PRKCE: variants seen among roughly 807,000 people sequenced by gnomAD.
PRKCE encodes protein kinase C epsilon type.
In PRKCE, 16 loss-of-function variants were observed where a neutral mutation model predicts 85.4. The observed-to-expected ratio is 0.19, with a 90% CI of 0.13 to 0.28. The LOEUF is 0.28. Among genes scored for constraint, PRKCE ranks in the 10% least tolerant of loss-of-function variants. PRKCE has a pLI of 1.00. For missense variants in PRKCE, 573 were observed against 975.2 expected (o/e 0.59, Z 5.49); for synonymous variants, 388 against 371.5 (o/e 1.04, Z -0.51).
chr2:45,938,180 G>A (rs560334331), intron 2 of PRKCE, among the ~76,000 whole-genome samples: 1 of 152,260 alleles, frequency 6.6e-6, no homozygotes, highest in East Asian at 1.9e-4. Flanking sequence ...TAGCCTCAGG[G>A]CAGGGCTGAT....
chr2:46,062,239 A>C (rs1296844551), intron 10 of PRKCE, among the ~76,000 whole-genome samples: 6 of 152,184 alleles, frequency 3.9e-5, no homozygotes. Flanking sequence ...ATGGGAATGA[A>C]TACGATAGAC....
chr2:45,689,348 T>C (rs1677543890), intron 1 of PRKCE, among the ~76,000 whole-genome samples: 1 of 152,088 alleles, frequency 6.6e-6, no homozygotes, highest in South Asian at 2.1e-4. Context: ...TGTGGAAGAA[T>C]AGAAAGAACT....
intron 2 of PRKCE, among the ~76,000 whole-genome samples, chr2:45,970,883 G>A (rs542936432): frequency 4.7e-5 from 7 of 149,090 alleles, no homozygotes; most frequent in Admixed American, 2.7e-4. Context: ...CTATATTATG[G>A]ATCAATATAT....
intron 2 of PRKCE, among the ~76,000 whole-genome samples, chr2:45,951,142 T>C (rs1030680033): frequency 7.9e-5 from 12 of 152,232 alleles, no homozygotes; most frequent in Admixed American, 6.5e-4. Context: ...GCAAAAGATT[T>C]CCTGGGGAGT....
intron 1 of PRKCE, among the ~76,000 whole-genome samples, chr2:45,711,125 C>T (rs1453831883): frequency 2.0e-5 from 3 of 151,996 alleles, no homozygotes; most frequent in Middle Eastern, 6.8e-3. Flanking sequence ...CAAAGATTAA[C>T]GTGCAACTCA....
chr2:45,733,809 C>A (rs1324939382), intron 1 of PRKCE, among the ~76,000 whole-genome samples: 1 of 152,200 alleles, frequency 6.6e-6, no homozygotes, highest in Non-Finnish European at 1.5e-5. Flanking sequence ...CTGCTGGTGA[C>A]CTCGGTGGGC....
chr2:46,135,181 A>G (rs1282184335), intron 11 of PRKCE, among the ~76,000 whole-genome samples: 2 of 152,176 alleles, frequency 1.3e-5, no homozygotes, highest in Non-Finnish European at 2.9e-5. Flanking sequence ...GAGGACATCT[A>G]TTTGATCAAA....
At chr2:45,691,382 A>G (rs751829729) in intron 1 of PRKCE, among the ~76,000 whole-genome samples, 41 of 152,204 alleles carry the variant, frequency 2.7e-4, no homozygotes, top group Non-Finnish European at 4.9e-4. Flanking sequence ...AAGCTGGTGG[A>G]CACCAGCAGA....
chr2:46,054,578 C>A (rs1026377824), intron 10 of PRKCE, among the ~76,000 whole-genome samples: 1 of 152,178 alleles, frequency 6.6e-6, no homozygotes, highest in Non-Finnish European at 1.5e-5. Flanking sequence ...ATAACTGCAA[C>A]CCCAACCATA....
At position 46,009,025 on chromosome 2, in the gene PRKCE, T is replaced by G. The variant is rs1574211176; in HGVS notation, c.1264-1319T>G. On this transcript the variant is annotated intron_variant, in intron 9 of 14. Coordinates refer to ENST00000306156, the MANE Select transcript of PRKCE (RefSeq NM_005400.3). ...TGCTTTTTAGCTTTGATGACTTACA[T>G]TGGAATACTGTACTTAGGAGTTACT... Among the ~76,000 whole-genome samples the G allele has an allele frequency of 2.0e-5, 3 of 152,220 alleles. No individual in the cohort carries two copies. The East Asian group carries it at 5.8e-4, about 29-fold the overall frequency.
intron 2 of PRKCE, among the ~76,000 whole-genome samples, chr2:45,939,744 G>A (rs528197631): frequency 1.8e-4 from 27 of 152,276 alleles, no homozygotes; most frequent in African/African-American, 6.0e-4. Flanking sequence ...TAGTAGAGAC[G>A]AGGTTTTATC....
chr2:46,133,010 A>T lies in PRKCE; in HGVS notation c.1593-12083A>T, dbSNP rs74590051. Among the ~76,000 whole-genome samples the T allele has an allele frequency of 1.3e-4, 20 of 152,256 alleles. No homozygotes were observed. In the East Asian group the frequency reaches 3.9e-3, roughly 29 times the overall value. On this transcript the variant is annotated intron_variant, in intron 11 of 14. Coordinates refer to ENST00000306156, the MANE Select transcript of PRKCE (RefSeq NM_005400.3). ...TCAGCTCTTTATCTGGGCTGGGGTG[A>T]CCTAAAAGGGGCTAACCAATCTCCT...
At chr2:45,954,291 T>C (rs1700828100) in intron 2 of PRKCE, among the ~76,000 whole-genome samples, 1 of 152,210 alleles carries the variant, frequency 6.6e-6, no homozygotes, top group Non-Finnish European at 1.5e-5. Context: ...CACTAAATAT[T>C]GGAGTCAAAA....
At chr2:45,675,994 C>G (rs1296337729) in intron 1 of PRKCE, 1 of 152,212 alleles carries the variant, frequency 6.6e-6, no homozygotes, top group African/African-American at 2.4e-5. Context: ...CTGGCAGTAG[C>G]TCCTACAATG....
chr2:45,756,942 A>G (rs890947446), intron 1 of PRKCE, among the ~76,000 whole-genome samples: 1 of 152,170 alleles, frequency 6.6e-6, no homozygotes, highest in African/African-American at 2.4e-5. Context: ...AAACTTATCA[A>G]GGTTTACTCT....
At chr2:45,689,909 A>G (rs2104044149) in intron 1 of PRKCE, among the ~76,000 whole-genome samples, 1 of 152,048 alleles carries the variant, frequency 6.6e-6, no homozygotes. Context: ...CTCAAAAAAA[A>G]AAAAAAAAAA....
chr2:46,156,766 T>C (rs1196078840), intron 13 of PRKCE, among the ~76,000 whole-genome samples: 1 of 152,224 alleles, frequency 6.6e-6, no homozygotes. Flanking sequence ...ATTTCATTAT[T>C]TGCTTGCTGG....
Position 46,001,508 on chromosome 2 carries a change from C to T in PRKCE, c.928C>T (p.Pro310Ser). The T allele has an allele frequency of 6.3e-7, 1 of 1,599,154 alleles. No individual in the cohort carries two copies. The highest frequency in any genetic ancestry group is 1.7e-5 in the Admixed American group (1 of 59,986). Residue 310 changes from proline (P) to serine (S), a missense_variant, in exon 7 of 15, where the codon CCA (proline) becomes TCA (serine). Around this residue, in one of 11 missense-constraint regions of PRKCE, gnomAD observed 55 missense variants for 128.1 expected, o/e 0.43. Transcript: ENST00000306156. This position sits in a 1 kb window ranked among gnomAD's most constrained non-coding sequence, Gnocchi z 4.4. ...AGTACTGGCCGACCTGGGCGTTACC[C>T]CAGACAAAATCACCAACAGCGGCCA... is the stretch of plus-strand genomic sequence containing the variant. Reference protein sequence around the residue: ...AKVLADLGVTPDKITNSGQRR... With the variant: ...AKVLADLGVTSDKITNSGQRR...
At chr2:46,162,811 G>A (rs1002089852) in intron 14 of PRKCE, among the ~76,000 whole-genome samples, 6 of 151,832 alleles carry the variant, frequency 4.0e-5, no homozygotes, top group Non-Finnish European at 7.4e-5. Context: ...CAAAATTGGG[G>A]AAAAAAAATA....
Sources: gnomAD v4.1 joint callset for allele counts (sites outside exome capture counted in the v4.1 genomes callset) on GRCh38, gnomAD v4.1.1 for gene constraint, gnomAD v4.1.1 regional missense constraint, Gnocchi (gnomAD v3.1) non-coding constraint, MANE v1.5 for transcripts, NCBI Gene and HGNC (gene_info 2026-07-23, HGNC 2026-07-21) for gene names.